RELN: variants seen among roughly 807,000 people sequenced by gnomAD.
The protein encoded by RELN is reelin.
A neutral mutation model predicts 427.6 loss-of-function variants in RELN; 108 were observed. The ratio of observed to expected loss-of-function variants is 0.25; its 90% confidence interval spans 0.22 to 0.30. RELN has a LOEUF of 0.30. Among genes scored for constraint, RELN ranks in the 10% least tolerant of loss-of-function variants. The pLI is 1.00. For missense variants in RELN, 3,715 were observed against 4,302.8 expected, an observed-to-expected ratio of 0.86 and a Z score of 3.82; for synonymous variants, 1,524 against 1,513.4, an observed-to-expected ratio of 1.01 and a Z score of -0.16.
chr7:103,743,490 C>A (rs937882773), intron 6 of RELN, among the ~76,000 whole-genome samples: 5 of 152,066 alleles, frequency 3.3e-5, no homozygotes, highest in Non-Finnish European at 7.4e-5. Flanking sequence ...GACTCAAGAC[C>A]CATCAGTGTG....
intron 16 of RELN, among the ~76,000 whole-genome samples, chr7:103,644,358 C>G (rs991844802): frequency 6.8e-6 from 1 of 147,478 alleles, no homozygotes; most frequent in African/African-American, 2.5e-5. Context: ...AAACATCAGA[C>G]AATCAATTCA....
chr7:103,926,995 A>G (rs1795759704), intron 1 of RELN, among the ~76,000 whole-genome samples: 1 of 152,150 alleles, frequency 6.6e-6, no homozygotes. Context: ...GTACTTCCAT[A>G]TGTTCATTTC....
At position 103,535,373 on chromosome 7, in the gene RELN, A is replaced by G; in HGVS notation, c.7292T>C (p.Val2431Ala). 5 of 1,614,112 alleles carry G rather than the reference A, an allele frequency of 3.1e-6. No homozygotes were observed. The highest frequency in any genetic ancestry group is 4.2e-6 in the Non-Finnish European group (5 of 1,179,980). The stretch of plus-strand genomic sequence containing the variant: ...AGTCCACTTGTTGAAAGTGTCTGAC[A>G]CCAGGATCCGTTGCAGATGATAGCG... ...CSRYHLQRIL[V>A]SDTFNKWTRI... The change falls in exon 46 of 65, where the codon GTG (valine) becomes GCG (alanine). Residue 2431 changes from valine to alanine, a missense_variant. Around this residue, in one of 4 missense-constraint regions of RELN, gnomAD observed 1,310 missense variants for 1,643.0 expected, o/e 0.80. Coordinates refer to ENST00000428762, the MANE Select transcript of RELN (RefSeq NM_005045.4).
chr7:103,844,228 A>G (rs1363943195), intron 2 of RELN, among the ~76,000 whole-genome samples: 3 of 152,114 alleles, frequency 2.0e-5, no homozygotes, highest in Non-Finnish European at 4.4e-5. Flanking sequence ...ACCAAAATAA[A>G]ACTATCACCA....
At chr7:103,730,598 G>A (rs1790330132) in intron 6 of RELN, among the ~76,000 whole-genome samples, 1 of 152,024 alleles carries the variant, frequency 6.6e-6, no homozygotes, top group Non-Finnish European at 1.5e-5. Flanking sequence ...TATAACCCCA[G>A]AAATTTATAA....
rs1563085140 is a variant in RELN at position 103,909,777 on chromosome 7, AT to A, written c.337+7297del. Among the ~76,000 whole-genome samples, 4 of 95,060 alleles carry A rather than the reference AT, an allele frequency of 4.2e-5. 1 individual carries two copies. Among genetic ancestry groups the A allele is most frequent in the African/African-American group, 1.9e-4 (4 of 20,884 alleles). The allele number at this position is 95,060 out of a possible 152,430, so 62.4% of individuals were successfully genotyped here. A position where few individuals can be genotyped will look rare whatever the true frequency, so the allele number is the denominator to read the frequency against. On this transcript the variant is annotated intron_variant, in intron 2 of 64. Transcript: ENST00000428762. The stretch of plus-strand genomic sequence containing the variant: ...TATTAAATATATATATTTAATATAT[AT>A]AAATATATATATTAAATATATATTA...
At chr7:103,885,938 T>TA (rs1367938872) in intron 2 of RELN, among the ~76,000 whole-genome samples, 4 of 152,056 alleles carry the variant, frequency 2.6e-5, no homozygotes, top group African/African-American at 9.7e-5. Context: ...GTATGCTTTT[T>TA]AAAAAAAGAA....
Position 103,612,633 on chromosome 7 carries a change from G to T in RELN, c.2703-830C>A, listed in dbSNP as rs571164055. ...ATGAAGGAAATTCACCAGAATGTTT[G>T]CAGTAGCTGTGTTTGGTGGCAGGAA... On this transcript the variant is annotated intron_variant, in intron 20 of 64. Transcript: ENST00000428762. 2.0e-5 allele frequency among the ~76,000 whole-genome samples: 3 copies of T among 152,246 alleles called. No individual in the cohort carries two copies. The South Asian group carries it at 6.2e-4, about 32-fold the overall frequency.
chr7:103,739,255 A>G (rs1406826381), intron 6 of RELN, among the ~76,000 whole-genome samples: 4 of 152,370 alleles, frequency 2.6e-5, no homozygotes, highest in African/African-American at 9.6e-5. Flanking sequence ...TCATAAAAAG[A>G]AACTATGGAT....
chr7:103,985,774 G>GC, intron 1 of RELN, among the ~76,000 whole-genome samples: 1 of 152,258 alleles, frequency 6.6e-6, no homozygotes, highest in Non-Finnish European at 1.5e-5. Context: ...CTGGGGGTGA[G>GC]GAAAAGGAAC....
intron 60 of RELN, among the ~76,000 whole-genome samples, chr7:103,486,641 A>C (rs1665450594): frequency 6.6e-6 from 1 of 152,226 alleles, no homozygotes; most frequent in Admixed American, 6.5e-5. Flanking sequence ...TGTGGCCAAC[A>C]AACATATGAA....
intron 62 of RELN, among the ~76,000 whole-genome samples, chr7:103,483,392 C>T (rs1033356039): frequency 1.3e-5 from 2 of 152,222 alleles, no homozygotes; most frequent in Non-Finnish European, 2.9e-5. Flanking sequence ...CAAGGGAAAT[C>T]GGCAAAAACT....
At chr7:103,645,753 G>A (rs1832784703) in intron 16 of RELN, among the ~76,000 whole-genome samples, 1 of 151,592 alleles carries the variant, frequency 6.6e-6, no homozygotes, top group Non-Finnish European at 1.5e-5. Flanking sequence ...AATAAACACT[G>A]GACTTAAATT....
chr7:103,936,506 C>A (rs564200178), intron 1 of RELN, among the ~76,000 whole-genome samples: 1 of 152,064 alleles, frequency 6.6e-6, no homozygotes, highest in South Asian at 2.1e-4. Flanking sequence ...TCATTCATAC[C>A]CCCAGGTTAA....
intron 4 of RELN, among the ~76,000 whole-genome samples, chr7:103,774,839 G>C (rs961893980): frequency 1.3e-5 from 2 of 152,098 alleles, no homozygotes; most frequent in African/African-American, 4.8e-5. Flanking sequence ...CTATTGAAAA[G>C]CTCAGTGTTT....
intron 57 of RELN, among the ~76,000 whole-genome samples, chr7:103,492,353 T>A (rs999871924): frequency 2.1e-4 from 32 of 152,206 alleles, no homozygotes; most frequent in Non-Finnish European, 4.4e-5. Flanking sequence ...ACTGAAAGTA[T>A]CACTGATTCA....
At chr7:103,819,098 G>A (rs1021984272) in intron 3 of RELN, among the ~76,000 whole-genome samples, 14 of 152,052 alleles carry the variant, frequency 9.2e-5, no homozygotes, top group African/African-American at 2.7e-4. Context: ...GTGACTGTGC[G>A]TCTCTGTACA....
intron 2 of RELN, among the ~76,000 whole-genome samples, chr7:103,912,603 G>A (rs573567232): frequency 1.1e-4 from 17 of 152,210 alleles, no homozygotes; most frequent in African/African-American, 3.9e-4. Flanking sequence ...AATGGCTGAT[G>A]TATTAGCTGA....
intron 8 of RELN, among the ~76,000 whole-genome samples, chr7:103,719,834 T>C (rs1321801730): frequency 6.6e-6 from 1 of 152,206 alleles, no homozygotes; most frequent in Non-Finnish European, 1.5e-5. Flanking sequence ...AGCAAATCGA[T>C]GTCTCAGCAC....
Sources: allele counts gnomAD v4.1 joint callset (sites outside exome capture counted in the v4.1 genomes callset), GRCh38; gene constraint gnomAD v4.1.1; regional missense constraint gnomAD v4.1.1; transcripts MANE v1.5; gene names NCBI Gene and HGNC (gene_info 2026-07-23, HGNC 2026-07-21).